TRIM9: variants seen among roughly 807,000 people sequenced by gnomAD.
TRIM9 encodes the protein tripartite motif containing 9.
A neutral mutation model predicts 78.3 loss-of-function variants in TRIM9; 26 were observed. The ratio of observed to expected loss-of-function variants is 0.33; its 90% confidence interval spans 0.24 to 0.46. The LOEUF is 0.46. Ranked by LOEUF, TRIM9 falls within the 20% of genes least tolerant of loss-of-function variation. The pLI is 1.00. For synonymous variants in TRIM9, 398 were observed against 416.5 expected, an observed-to-expected ratio of 0.96 and a Z score of 0.54; for missense variants, 787 against 1,036.4, an observed-to-expected ratio of 0.76 and a Z score of 3.30.
At position 50,983,062 on chromosome 14, in the gene TRIM9, A is replaced by C. The variant is rs2052184460; in HGVS notation, c.1835-97T>G. On this transcript the variant is annotated intron_variant, in intron 9 of 12. Coordinates refer to ENST00000684578, the MANE Select transcript of TRIM9 (RefSeq NM_001387360.1). ...GTCTCTCTTGATAGACTAGTACCCC[A>C]AAAGGACTCAATTTAAAATGCCACA... 1.0e-5 allele frequency: 12 copies of C among 1,182,062 alleles called. No homozygotes were observed. In the South Asian group the frequency reaches 1.5e-4, roughly 14 times the overall value. 73.2% of individuals were successfully genotyped at this position (1,182,062 alleles called of 1,614,324 possible).
chr14:51,094,559 G>A lies in TRIM9; in HGVS notation c.381C>T (p.Thr127=), dbSNP rs2064754230. The A allele has an allele frequency of 6.2e-7, 1 of 1,612,920 alleles. No homozygotes were observed. Among genetic ancestry groups the A allele is most frequent in the Non-Finnish European group, 8.5e-7 (1 of 1,179,762 alleles). The change falls in exon 1 of 13, where the codon ACC becomes ACT. Residue 127 remains threonine, a synonymous_variant. Transcript: ENST00000684578. ...LAPVPRNSCI[T]CPQCHRSLIL... ...TGAGGCTGCGGTGACACTGGGGGCAGGTGATACAGGAGTTGCGGGGCACCG... is the reference window on the plus strand; with the variant it reads ...TGAGGCTGCGGTGACACTGGGGGCAAGTGATACAGGAGTTGCGGGGCACCG...
chr14:51,002,746 TAAG>T (rs1220016324), intron 5 of TRIM9, among the ~76,000 whole-genome samples: 1 of 152,102 alleles, frequency 6.6e-6, no homozygotes, highest in African/African-American at 2.4e-5. Flanking sequence ...GACTGTAACA[TAAG>T]AAATGAGAAG....
chr14:51,079,739 CA>C (rs924589996), intron 1 of TRIM9, among the ~76,000 whole-genome samples: 1 of 152,168 alleles, frequency 6.6e-6, no homozygotes, highest in Non-Finnish European at 1.5e-5. Context: ...AGGGTACACA[CA>C]CCAGGTGGAC....
intron 1 of TRIM9, among the ~76,000 whole-genome samples, chr14:51,050,405 C>T (rs545934365): frequency 6.6e-6 from 1 of 152,312 alleles, no homozygotes; most frequent in South Asian, 2.1e-4. Context: ...CTTTGCCTGC[C>T]ACCATGTAAG....
At chr14:51,005,936 G>A (rs1566569394) in intron 5 of TRIM9, among the ~76,000 whole-genome samples, 1 of 152,154 alleles carries the variant, frequency 6.6e-6, no homozygotes, top group Admixed American at 6.5e-5. Context: ...ACTTTAGATA[G>A]TGCATTCTTG....
chr14:51,030,992 CAA>C (rs1190693659), intron 1 of TRIM9, among the ~76,000 whole-genome samples: 1 of 151,744 alleles, frequency 6.6e-6, no homozygotes, highest in Non-Finnish European at 1.5e-5. Context: ...ACTGAAAATA[CAA>C]AAAGTTAGCC....
In TRIM9 at chr14:51,094,419, G is replaced by A; in HGVS notation, c.521C>T (p.Ala174Val). Residue 174 changes from alanine to valine, a missense_variant, in exon 1 of 13, where the codon GCG (alanine) becomes GTG (valine). Transcript: ENST00000684578. ...AALKCQLCEKAPKEATVMCEQ... is the reference protein window; with the variant it reads ...AALKCQLCEKVPKEATVMCEQ... The stretch of plus-strand genomic sequence containing the variant: ...GCACATGACGGTGGCTTCCTTGGGC[G>A]CCTTCTCGCAGAGCTGGCACTTGAG... 1.9e-6 allele frequency: 3 copies of A among 1,613,942 alleles called. No individual in the cohort carries two copies. Among genetic ancestry groups the A allele is most frequent in the Non-Finnish European group, 2.5e-6 (3 of 1,180,008 alleles).
At chr14:51,010,208 G>A (rs1411852220) in intron 4 of TRIM9, among the ~76,000 whole-genome samples, 176 bp downstream of exon 4, 1 of 152,150 alleles carries the variant, frequency 6.6e-6, no homozygotes, top group East Asian at 1.9e-4. Context: ...AGACTTCCGG[G>A]AAGTCAGTGG....
chr14:51,091,798 T>C (rs2064357847), intron 1 of TRIM9, among the ~76,000 whole-genome samples: 1 of 152,204 alleles, frequency 6.6e-6, no homozygotes, highest in South Asian at 2.1e-4. Flanking sequence ...TTATGTCATG[T>C]TTCAAGGGTT....
intron 7 of TRIM9, chr14:50,997,648 T>G (rs1160116158): frequency 1.9e-6 from 2 of 1,073,638 alleles, no homozygotes; most frequent in African/African-American, 3.2e-5. Flanking sequence ...AAGCAAGTAC[T>G]ACAGAGTAAT....
At chr14:51,068,615 G>C (rs2061953251) in intron 1 of TRIM9, among the ~76,000 whole-genome samples, 1 of 152,210 alleles carries the variant, frequency 6.6e-6, no homozygotes, top group African/African-American at 2.4e-5. Flanking sequence ...AACTCCTTAG[G>C]AATTTTAACA....
intron 1 of TRIM9, among the ~76,000 whole-genome samples, chr14:51,085,104 G>T (rs892937303): frequency 2.6e-5 from 4 of 152,198 alleles, no homozygotes; most frequent in African/African-American, 9.7e-5. Flanking sequence ...GGCTCTCCTG[G>T]AGCATGGGAG....
In TRIM9 at chr14:51,067,987, A is replaced by G. The variant is rs532149944; in HGVS notation, c.822+26131T>C. 7.9e-5 allele frequency among the ~76,000 whole-genome samples: 12 copies of G among 152,348 alleles called. No homozygotes were observed. The South Asian group carries it at 2.5e-3, about 32-fold the overall frequency. On this transcript the variant is annotated intron_variant, in intron 1 of 12. Coordinates refer to ENST00000684578, the MANE Select transcript of TRIM9 (RefSeq NM_001387360.1). ...CTGACGCATAGCAGGCATTCAATTGACACTTGCTGAATACATGAATTAAAG... is the reference window on the plus strand; with the variant it reads ...CTGACGCATAGCAGGCATTCAATTGGCACTTGCTGAATACATGAATTAAAG...
chr14:50,987,259 G>C (rs748179344), intron 7 of TRIM9, among the ~76,000 whole-genome samples: 15 of 152,134 alleles, frequency 9.9e-5, no homozygotes, highest in Non-Finnish European at 2.1e-4. Context: ...TTCTTTGCTG[G>C]ACATACACTT....
At chr14:51,087,500 G>A (rs1183898713) in intron 1 of TRIM9, among the ~76,000 whole-genome samples, 1 of 152,192 alleles carries the variant, frequency 6.6e-6, no homozygotes, top group Non-Finnish European at 1.5e-5. Flanking sequence ...TAGGGGCCCA[G>A]TTTAGGGTTG....
intron 3 of TRIM9, among the ~76,000 whole-genome samples, chr14:51,015,846 G>A (rs1296663130): frequency 1.3e-5 from 2 of 152,084 alleles, no homozygotes; most frequent in African/African-American, 4.8e-5. Flanking sequence ...CATAGGTTTT[G>A]ATGGGATATC....
intron 7 of TRIM9, among the ~76,000 whole-genome samples, chr14:50,986,888 A>G (rs545202308): frequency 2.0e-5 from 3 of 152,362 alleles, no homozygotes; most frequent in Non-Finnish European, 4.4e-5. Flanking sequence ...CTGTTCAGAT[A>G]GTCAGGTTTG....
intron 3 of TRIM9, among the ~76,000 whole-genome samples, chr14:51,014,681 A>G (rs147610471): frequency 2.2e-4 from 33 of 152,296 alleles, no homozygotes; most frequent in African/African-American, 7.7e-4. Flanking sequence ...CAACTCTCTT[A>G]CTTGCTATCT....
intron 1 of TRIM9, among the ~76,000 whole-genome samples, chr14:51,040,140 C>A (rs932618297): frequency 9.2e-5 from 14 of 152,072 alleles, no homozygotes; most frequent in South Asian, 2.1e-4. Context: ...TTTATTAAGA[C>A]CTTAACTGTG....
Sources: allele counts gnomAD v4.1 joint callset (sites outside exome capture counted in the v4.1 genomes callset), GRCh38; gene constraint gnomAD v4.1.1; transcripts MANE v1.5; gene names NCBI Gene and HGNC (gene_info 2026-07-23, HGNC 2026-07-21).